The following RAB33A variants were observed in gnomAD, a reference collection of about 807,000 sequenced individuals.
The protein encoded by RAB33A is ras-related protein Rab-33A.
In RAB33A, 6 loss-of-function variants were observed where a neutral mutation model predicts 12.0. That is an observed-to-expected ratio of 0.50 (90% confidence interval 0.27 to 0.99). RAB33A has a LOEUF of 0.99. RAB33A is among the 50% of genes least tolerant of loss of function. The pLI is 0.11. For synonymous variants in RAB33A, 70 were observed against 82.4 expected (o/e 0.85, Z 0.81); for missense variants, 109 against 192.0 (o/e 0.57, Z 2.55).
chrX:130,165,919 C>T, the RAB33A span: 1 of 407,341 alleles, frequency 2.5e-6, no homozygotes, highest in Admixed American at 3.9e-5. Flanking sequence ...AGGATTTGCG[C>T]ATGCACTAGC....
chrX:130,137,045 T>TA, the RAB33A span: 1 of 1,208,909 alleles, frequency 8.3e-7, no homozygotes, highest in African/African-American at 1.8e-5. Context: ...TCAAAGGAAA[T>TA]AGAGTGGCAG....
At chrX:130,118,070 C>T in the RAB33A span, among the ~76,000 whole-genome samples, 2 of 112,004 alleles carry the variant, frequency 1.8e-5, no homozygotes, top group African/African-American at 6.5e-5. Flanking sequence ...GAGAAGAGAC[C>T]CAGGGGAAGG....
Position 130,180,721 on chromosome X carries a change from G to C in RAB33A, c.259-3564G>C, listed in dbSNP as rs1347393271. ...TCCGCCCGCCTCAGCCTCCCAAAAT[G>C]CTGGGATTACAGGCGTGAGCCACTG... On this transcript the variant is annotated intron_variant, in intron 1 of 1. Coordinates refer to ENST00000257017, the MANE Select transcript of RAB33A (RefSeq NM_004794.3). Among the ~76,000 whole-genome samples, 3 of 91,675 alleles carry C rather than the reference G, an allele frequency of 3.3e-5. No individual in the cohort carries two copies. The East Asian group carries it at 1.1e-3, about 35-fold the overall frequency. The allele number at this position is 91,675 out of a possible 115,157, so 79.6% of individuals were successfully genotyped here.
the RAB33A span, among the ~76,000 whole-genome samples, chrX:130,166,193 G>C: frequency 2.7e-5 from 3 of 111,788 alleles, no homozygotes; most frequent in Non-Finnish European, 3.8e-5. Flanking sequence ...TGATTCTTTT[G>C]CAGTGATCCA....
At chrX:130,182,765 T>C (rs186904570) in intron 1 of RAB33A, among the ~76,000 whole-genome samples, 1 of 110,240 alleles carries the variant, frequency 9.1e-6, no homozygotes, top group African/African-American at 3.3e-5. Context: ...AAAAAAAAAA[T>C]AAAAGAAAAG....
the RAB33A span, among the ~76,000 whole-genome samples, chrX:130,160,483 G>A: frequency 8.9e-6 from 1 of 112,374 alleles, no homozygotes; most frequent in Admixed American, 9.5e-5. Flanking sequence ...AGCGCCAGAC[G>A]ACACACAGAT....
intron 1 of RAB33A, among the ~76,000 whole-genome samples, chrX:130,175,162 A>G (rs1348533294): frequency 1.8e-5 from 2 of 111,720 alleles, no homozygotes; most frequent in Non-Finnish European, 3.8e-5. Context: ...AGAGAGATGA[A>G]ATAACCCAGT....
intron 1 of RAB33A, among the ~76,000 whole-genome samples, chrX:130,182,429 G>A (rs2062508554): frequency 9.2e-6 from 1 of 109,009 alleles, no homozygotes; most frequent in African/African-American, 3.3e-5. Context: ...TATGTTTAAC[G>A]TTTCTTAAAA....
chrX:130,173,393 G>A (rs767652872), intron 1 of RAB33A, among the ~76,000 whole-genome samples: 5 of 111,830 alleles, frequency 4.5e-5, no homozygotes, highest in African/African-American at 1.6e-4. Flanking sequence ...AGGGGTGACA[G>A]TAAGCCTCCT....
the RAB33A span, among the ~76,000 whole-genome samples, chrX:130,162,604 G>A: frequency 8.9e-6 from 1 of 112,262 alleles, no homozygotes; most frequent in Middle Eastern, 4.6e-3. Flanking sequence ...AGAAACAACG[G>A]GGGAAGACTC....
At chrX:130,135,439 T>TTTAAAAA in the RAB33A span, among the ~76,000 whole-genome samples, 1 of 72,941 alleles carries the variant, frequency 1.4e-5, no homozygotes, top group Non-Finnish European at 2.4e-5. Flanking sequence ...TTTTTTTTTT[T>TTTAAAAA]AAAAAAAAAA....
the RAB33A span, among the ~76,000 whole-genome samples, chrX:130,139,271 G>A: frequency 3.6e-5 from 4 of 109,779 alleles, no homozygotes; most frequent in Non-Finnish European, 5.7e-5. Flanking sequence ...GGCGGAGGTT[G>A]CAGTGAGCCA....
chrX:130,159,154 T>C, the RAB33A span, among the ~76,000 whole-genome samples: 1 of 112,029 alleles, frequency 8.9e-6, no homozygotes, highest in Non-Finnish European at 1.9e-5. Flanking sequence ...GATTATAAAG[T>C]AGCCTCTCTC....
the RAB33A span, among the ~76,000 whole-genome samples, chrX:130,156,038 G>T: frequency 6.3e-5 from 7 of 111,523 alleles, no homozygotes; most frequent in Admixed American, 1.9e-4. Context: ...GAAGGCTGTT[G>T]TTTTTTTAAT....
intron 1 of RAB33A, among the ~76,000 whole-genome samples, chrX:130,180,114 G>A (rs1224569930): frequency 9.0e-6 from 1 of 110,704 alleles, no homozygotes; most frequent in Non-Finnish European, 1.9e-5. Context: ...ATGACCCAAA[G>A]TACAGAGGAG....
the RAB33A span, among the ~76,000 whole-genome samples, chrX:130,156,886 A>G: frequency 8.9e-6 from 1 of 111,765 alleles, no homozygotes; most frequent in Non-Finnish European, 1.9e-5. Flanking sequence ...TTCATCAAAT[A>G]CCTCTTCCTT....
upstream of RAB33A, chrX:130,171,761 G>T: frequency 3.1e-6 from 1 of 322,027 alleles, no homozygotes; most frequent in Non-Finnish European, 5.4e-6. Context: ...GCGCACACAG[G>T]CAGAAGGCTC....
At chrX:130,145,516 A>G in the RAB33A span, 4 of 1,208,541 alleles carry the variant, frequency 3.3e-6, no homozygotes, top group East Asian at 8.9e-5. Context: ...ACCATTCTCA[A>G]TATGAGGCAG....
At chrX:130,135,247 C>G in the RAB33A span, among the ~76,000 whole-genome samples, 1 of 108,700 alleles carries the variant, frequency 9.2e-6, no homozygotes, top group Middle Eastern at 4.8e-3. Flanking sequence ...CCACCACACC[C>G]GGCTAATTTT....
Sources: gnomAD v4.1 joint callset for allele counts (sites outside exome capture counted in the v4.1 genomes callset) on GRCh38, gnomAD v4.1.1 for gene constraint, MANE v1.5 for transcripts, NCBI Gene and HGNC (gene_info 2026-07-23, HGNC 2026-07-21) for gene names.